Variants in CDC34 observed in about 807,000 individuals in gnomAD.
The protein encoded by CDC34 is ubiquitin-conjugating enzyme E2 R1.
A neutral mutation model predicts 26.8 loss-of-function variants in CDC34; 18 were observed. The observed-to-expected ratio is 0.67, with a 90% CI of 0.47 to 1.00. CDC34 has a LOEUF of 1.00. Among genes scored for constraint, CDC34 ranks in the 50% least tolerant of loss-of-function variants. The probability of loss-of-function intolerance (pLI) is 0.00; values close to 1 mark genes in which losing one functional copy is unlikely to be tolerated. For missense variants in CDC34, 280 were observed against 334.5 expected (o/e 0.84, Z 1.27); for synonymous variants, 178 against 147.5 (o/e 1.21, Z -1.50).
chr19:535,265 AC>A (rs1297696718), intron 1 of CDC34, among the ~76,000 whole-genome samples: 1 of 151,828 alleles, frequency 6.6e-6, no homozygotes, highest in African/African-American at 2.4e-5. Context: ...TGCCTGCCTG[AC>A]CCCCCAAGAC....
intron 3 of CDC34, chr19:536,594 C>T: frequency 1.7e-6 from 1 of 579,592 alleles, no homozygotes; most frequent in South Asian, 2.0e-5. Flanking sequence ...CTGGAACCAC[C>T]TAGAGGTGTC....
rs1252854872 is a variant in CDC34 at position 541,446 on chromosome 19, G to T, written c.605G>T (p.Gly202Val). 1.9e-6 allele frequency: 3 copies of T among 1,612,794 alleles called. No homozygotes were observed. Among genetic ancestry groups the T allele is most frequent in the Middle Eastern group, 1.6e-4 (1 of 6,072 alleles). Residue 202 changes from glycine to valine, a missense_variant, in exon 5 of 5, where the codon GGC becomes GTC. By Grantham distance (109) the Gly-to-Val change is moderately radical (BLOSUM62 -3). Coordinates refer to ENST00000215574, the MANE Select transcript of CDC34 (RefSeq NM_004359.2). ...VKTKAPAPDE[G>V]SDLFYDDYYE... is the part of the protein sequence containing the mutation. ...ACCAAGGCGCCGGCGCCCGACGAGG[G>T]CTCAGACCTCTTCTACGACGACTAC...
intron 2 of CDC34, 79 bp from the exon 3 acceptor site, chr19:536,164 T>C: frequency 8.3e-7 from 1 of 1,203,412 alleles, no homozygotes; most frequent in Non-Finnish European, 1.2e-6. Context: ...GTCCTCCACG[T>C]CCTCATCCTC....
At chr19:536,391 C>A in intron 3 of CDC34, 51 bp downstream of exon 3, 1 of 1,389,406 alleles carries the variant, frequency 7.2e-7, no homozygotes, top group East Asian at 2.4e-5. Context: ...GTAGGCCGGG[C>A]TCCGTCCCGT....
chr19:532,045 A>G lies in CDC34; in HGVS notation c.114A>G (p.Leu38=), dbSNP rs571173625. Residue 38 remains leucine, a synonymous_variant, in exon 1 of 5, where the codon CTA becomes CTG. Coordinates refer to ENST00000215574, the MANE Select transcript of CDC34 (RefSeq NM_004359.2). ...FRVTLVDEGD[L]YNWEVAIFGP... Reference sequence around the variant, plus strand: ...TGACACTGGTGGACGAGGGCGATCTATACAACTGGGAGGTGGCCATCTTCG... The same window carrying G: ...TGACACTGGTGGACGAGGGCGATCTGTACAACTGGGAGGTGGCCATCTTCG... 1.1e-5 allele frequency: 17 copies of G among 1,521,666 alleles called. No individual in the cohort carries two copies. The South Asian group carries it at 1.8e-4, about 16-fold the overall frequency. The allele number at this position is 1,521,666 out of a possible 1,614,324, so 94.3% of individuals were successfully genotyped here.
Position 541,710 on chromosome 19 carries a change from A to G in CDC34, c.*158A>G. 1 of 779,638 alleles carries G rather than the reference A, an allele frequency of 1.3e-6. No homozygotes were observed. Among genetic ancestry groups the G allele is most frequent in the East Asian group, 3.1e-5 (1 of 32,594 alleles). The allele number at this position is 779,638 out of a possible 1,614,324, so 48.3% of individuals were successfully genotyped here. ...CTCCCCATGTCTGTTCTGGGTTTTC[A>G]CGTGCTTCAGAGAAGAGGGGCTGCC... On this transcript the variant is annotated 3_prime_UTR_variant, in exon 5 of 5. Coordinates refer to ENST00000215574, the MANE Select transcript of CDC34 (RefSeq NM_004359.2).
intron 1 of CDC34, 90 bp downstream of exon 1, chr19:532,198 G>A: frequency 1.8e-6 from 2 of 1,098,018 alleles, no homozygotes; most frequent in Non-Finnish European, 2.5e-6. Context: ...TCCTAGCGCT[G>A]TTGCTGGGCG....
chr19:539,355 A>G (rs1002795959), intron 4 of CDC34, among the ~76,000 whole-genome samples: 1 of 37,490 alleles, frequency 2.7e-5, no homozygotes, highest in Non-Finnish European at 5.3e-5. Flanking sequence ...TCACCCCCCC[A>G]GCCCGTCCAC....
intron 1 of CDC34, among the ~76,000 whole-genome samples, chr19:533,829 G>T (rs1306736129): frequency 2.0e-5 from 3 of 152,210 alleles, no homozygotes; most frequent in African/African-American, 7.2e-5. Context: ...CCACCCACGA[G>T]GACTCTCCCT....
chr19:535,706 G>T, intron 1 of CDC34, 131 bp from the exon 2 acceptor site: 1 of 749,718 alleles, frequency 1.3e-6, no homozygotes, highest in Non-Finnish European at 2.4e-6. Flanking sequence ...CCTGCCTTGG[G>T]CAGGATACGG....
At chr19:539,553 A>G (rs541832630) in intron 4 of CDC34, among the ~76,000 whole-genome samples, 31 of 152,264 alleles carry the variant, frequency 2.0e-4, no homozygotes, top group African/African-American at 7.5e-4. Context: ...CCCCATAAAA[A>G]GCACTGGGCT....
chr19:533,735 T>C (rs963370973), intron 1 of CDC34, among the ~76,000 whole-genome samples: 5 of 152,116 alleles, frequency 3.3e-5, no homozygotes, highest in Admixed American at 3.3e-4. Context: ...GATAATCCGG[T>C]TTTCCGGATT....
intron 4 of CDC34, 196 bp from the exon 5 acceptor site, chr19:541,143 C>A: frequency 1.5e-6 from 1 of 675,442 alleles, no homozygotes. Flanking sequence ...GCACCTCCTG[C>A]CCTTCCCGAG....
chr19:541,422 C>G lies in CDC34; in HGVS notation c.581C>G (p.Thr194Ser), dbSNP rs762396271. 5 of 1,612,390 alleles carry G rather than the reference C, an allele frequency of 3.1e-6. No homozygotes were observed. The highest frequency in any genetic ancestry group is 1.7e-5 in the Admixed American group (1 of 59,970). ...ACGCTGGCCGAGTACTGCGTGAAGA[C>G]CAAGGCGCCGGCGCCCGACGAGGGC... ...PTTLAEYCVKTKAPAPDEGSD... is the reference protein window; with the variant it reads ...PTTLAEYCVKSKAPAPDEGSD... The change falls in exon 5 of 5, where the codon ACC (threonine) becomes AGC (serine). Residue 194 changes from threonine to serine, a missense_variant. Physicochemically the swap from Thr to Ser is moderately conservative, Grantham distance 58. Transcript: ENST00000215574.
intron 1 of CDC34, 60 bp downstream of exon 1, chr19:532,168 A>C: frequency 7.5e-7 from 1 of 1,340,094 alleles, no homozygotes; most frequent in Non-Finnish European, 9.9e-7. Context: ...GGCGCCGGGA[A>C]CCAGCTCCCT....
chr19:536,875 A>G, intron 3 of CDC34, 138 bp from the exon 4 acceptor site: 1 of 905,804 alleles, frequency 1.1e-6, no homozygotes. Flanking sequence ...GGGGCCTGAG[A>G]CAGAAGCAGA....
rs926975988 is a variant in CDC34, at chr19:541,381, C to T, written c.540C>T (p.Gly180=). The change falls in exon 5 of 5, where the codon GGC becomes GGT. Residue 180 remains glycine (G), a synonymous_variant. Coordinates refer to ENST00000215574, the MANE Select transcript of CDC34 (RefSeq NM_004359.2). Reference sequence around the variant, plus strand: ...CCAAGGTGGACGCGGAGCGTGACGGCGTGAAGGTGCCCACCACGCTGGCCG... The same window carrying T: ...CCAAGGTGGACGCGGAGCGTGACGGTGTGAAGGTGCCCACCACGCTGGCCG... ...LGTKVDAERD[G]VKVPTTLAEY... is the part of the protein sequence containing the mutation. The T allele has an allele frequency of 6.2e-7, 1 of 1,608,312 alleles. No homozygotes were observed. The highest frequency in any genetic ancestry group is 2.2e-5 in the East Asian group (1 of 44,712).
chr19:538,614 A>G (rs1979872094), intron 4 of CDC34: 1 of 748,922 alleles, frequency 1.3e-6, no homozygotes, highest in Non-Finnish European at 1.6e-6. Context: ...TTTTGTATAA[A>G]CAGAATCTTA....
At position 536,722 on chromosome 19, in the gene CDC34, G is replaced by A. The variant is rs550014565; in HGVS notation, c.363-291G>A. 7.2e-5 allele frequency: 39 copies of A among 539,328 alleles called. No homozygotes were observed. In the East Asian group the frequency reaches 8.5e-4, roughly 12 times the overall value. 33.4% of individuals were successfully genotyped at this position (539,328 alleles called of 1,614,324 possible). On this transcript the variant is annotated intron_variant, in intron 3 of 4. Transcript: ENST00000215574. ...GTACAAGCACTGGGCCGTGTTGCCC[G>A]TGTGTCCTGGAGTGTAGTCTAGGCA...
Sources: allele counts gnomAD v4.1 joint callset (sites outside exome capture counted in the v4.1 genomes callset), GRCh38; gene constraint gnomAD v4.1.1; transcripts MANE v1.5; gene names NCBI Gene and HGNC (gene_info 2026-07-23, HGNC 2026-07-21).